Variants in NCOA7 observed in about 807,000 individuals in gnomAD.
The protein encoded by NCOA7 is nuclear receptor coactivator 7, also known as 140 kDa estrogen receptor-associated protein.
Under a neutral mutation model 104.3 loss-of-function variants are expected in NCOA7, and 45 were observed. That is an observed-to-expected ratio of 0.43 (90% confidence interval 0.34 to 0.55). NCOA7 has a LOEUF of 0.55. Among genes scored for constraint, NCOA7 ranks in the 20% least tolerant of loss-of-function variants. NCOA7 has a pLI of 0.02. For missense variants in NCOA7, 1,041 were observed against 1,119.7 expected, an observed-to-expected ratio of 0.93 and a Z score of 1.00; for synonymous variants, 398 against 402.3, an observed-to-expected ratio of 0.99 and a Z score of 0.13.
intron 2 of NCOA7, among the ~76,000 whole-genome samples, chr6:125,838,516 T>A (rs1779826934): frequency 6.6e-6 from 1 of 152,212 alleles, no homozygotes; most frequent in African/African-American, 2.4e-5. Flanking sequence ...GGGGTACTTC[T>A]GTTTGCAAGC....
intron 3 of NCOA7, among the ~76,000 whole-genome samples, chr6:125,873,970 C>T (rs1220808432): frequency 6.6e-6 from 1 of 152,142 alleles, no homozygotes; most frequent in Non-Finnish European, 1.5e-5. Context: ...ATGTATTTAA[C>T]CCTGACAGTT....
chr6:125,783,595 A>T (rs1479130194), intron 1 of NCOA7, among the ~76,000 whole-genome samples: 1 of 152,142 alleles, frequency 6.6e-6, no homozygotes, highest in Non-Finnish European at 1.5e-5. Flanking sequence ...TTATTCATTT[A>T]AAACCTAAAT....
At chr6:125,887,871 A>G (rs2128655724) in intron 8 of NCOA7, among the ~76,000 whole-genome samples, 1 of 152,300 alleles carries the variant, frequency 6.6e-6, no homozygotes, top group East Asian at 1.9e-4. Context: ...TACTCAAGAT[A>G]TTTCCAGTCA....
intron 2 of NCOA7, among the ~76,000 whole-genome samples, chr6:125,834,655 C>T (rs749257182): frequency 1.3e-5 from 2 of 152,174 alleles, no homozygotes; most frequent in African/African-American, 2.4e-5. Context: ...TCACTGAAGT[C>T]TTGCTGACCT....
chr6:125,880,455 T>G (rs1200606176), intron 5 of NCOA7, among the ~76,000 whole-genome samples: 1 of 152,024 alleles, frequency 6.6e-6, no homozygotes, highest in East Asian at 1.9e-4. Context: ...TTGCTTCACT[T>G]GGCCTGCCCA....
At chr6:125,807,370 C>T (rs940397976) in intron 1 of NCOA7, among the ~76,000 whole-genome samples, 2 of 152,052 alleles carry the variant, frequency 1.3e-5, no homozygotes, top group African/African-American at 4.8e-5. Context: ...TAGTCTAATC[C>T]TCAAAAAGGG....
chr6:125,889,366 G>A lies in NCOA7; in HGVS notation c.1312G>A (p.Glu438Lys). ...GGMHKKDTLK[E>K]CLSLDPEERK... ...AATGCACAAAAAAGACACCTTGAAG[G>A]AGTGCCTTTCTCTTGACCCAGAGGA... The change falls in exon 9 of 16, where the codon GAG (glutamate) becomes AAG (lysine). Residue 438 changes from glutamate (E) to lysine (K), a missense_variant. Physicochemically the swap from Glu to Lys is moderately conservative, Grantham distance 56. Around this residue, in one of 2 missense-constraint regions of NCOA7, gnomAD observed 914 missense variants for 942.7 expected, o/e 0.97. Coordinates refer to ENST00000392477, the MANE Select transcript of NCOA7 (RefSeq NM_181782.5). 6.2e-7 allele frequency: 1 copy of A among 1,614,078 alleles called. No homozygotes were observed.
chr6:125,927,804 C>T (rs1200103386), intron 14 of NCOA7, 46 bp downstream of exon 14: 6 of 1,455,414 alleles, frequency 4.1e-6, no homozygotes, highest in Non-Finnish European at 5.8e-6. Flanking sequence ...TCACAGTGTC[C>T]TCAGTTGGGG....
chr6:125,830,705 T>A (rs1360861864), intron 2 of NCOA7, among the ~76,000 whole-genome samples: 1 of 150,852 alleles, frequency 6.6e-6, no homozygotes, highest in Non-Finnish European at 1.5e-5. Context: ...AGGCCCTGTG[T>A]CTCTCTCTAT....
intron 1 of NCOA7, among the ~76,000 whole-genome samples, chr6:125,803,891 C>A (rs574198594): frequency 1.3e-5 from 2 of 152,232 alleles, no homozygotes; most frequent in South Asian, 4.1e-4. Flanking sequence ...CACAAAGTAG[C>A]CCCCAACAAA....
At chr6:125,839,144 G>A (rs1779889157) in intron 2 of NCOA7, among the ~76,000 whole-genome samples, 1 of 152,102 alleles carries the variant, frequency 6.6e-6, no homozygotes, top group Non-Finnish European at 1.5e-5. Flanking sequence ...TTGAGACAGA[G>A]TATCACTCTG....
intron 4 of NCOA7, 21 bp downstream of exon 4, chr6:125,874,989 A>G (rs199664594): frequency 3.8e-6 from 6 of 1,579,894 alleles, no homozygotes; most frequent in South Asian, 2.2e-5. Context: ...CCAAGGTGGT[A>G]TAAATGTTTG....
At chr6:125,907,176 G>A (rs1213161755) in intron 10 of NCOA7, among the ~76,000 whole-genome samples, 1 of 152,222 alleles carries the variant, frequency 6.6e-6, no homozygotes, top group African/African-American at 2.4e-5. Flanking sequence ...ATATTATGCG[G>A]GAGGCTACTG....
intron 10 of NCOA7, among the ~76,000 whole-genome samples, chr6:125,903,458 T>G (rs1209830404): frequency 6.6e-6 from 1 of 152,146 alleles, no homozygotes; most frequent in East Asian, 1.9e-4. Flanking sequence ...TTTGTCCATG[T>G]CTCTTCCTGC....
chr6:125,905,112 C>T (rs867902222), intron 10 of NCOA7, among the ~76,000 whole-genome samples: 6 of 152,240 alleles, frequency 3.9e-5, no homozygotes, highest in South Asian at 2.1e-4. Flanking sequence ...CAGACCACAG[C>T]GTGAGTCACA....
intron 1 of NCOA7, among the ~76,000 whole-genome samples, chr6:125,793,735 T>C (rs1408645662): frequency 6.6e-6 from 1 of 152,192 alleles, no homozygotes; most frequent in Non-Finnish European, 1.5e-5. Flanking sequence ...TTCAACAGGA[T>C]CCACTCAATT....
At chr6:125,899,606 G>T (rs1213773360) in intron 10 of NCOA7, among the ~76,000 whole-genome samples, 2 of 152,150 alleles carry the variant, frequency 1.3e-5, no homozygotes, top group African/African-American at 4.8e-5. Flanking sequence ...ATCCCTGAAA[G>T]AATTGTCTTC....
intron 11 of NCOA7, among the ~76,000 whole-genome samples, chr6:125,916,091 C>G (rs1215807384): frequency 6.6e-6 from 1 of 152,116 alleles, no homozygotes; most frequent in Non-Finnish European, 1.5e-5. Context: ...AAGGGAGGCA[C>G]CTGGTGGGAG....
At chr6:125,867,257 G>A (rs574954123) in intron 3 of NCOA7, among the ~76,000 whole-genome samples, 1 of 152,146 alleles carries the variant, frequency 6.6e-6, no homozygotes, top group African/African-American at 2.4e-5. Flanking sequence ...TCTTTACACA[G>A]ACAATTATGT....
Sources: allele counts gnomAD v4.1 joint callset (sites outside exome capture counted in the v4.1 genomes callset), GRCh38; gene constraint gnomAD v4.1.1; regional missense constraint gnomAD v4.1.1; transcripts MANE v1.5; gene names NCBI Gene and HGNC (gene_info 2026-07-23, HGNC 2026-07-21).